The following MYCT1 variants were observed in gnomAD, a reference collection of about 807,000 sequenced individuals.
MYCT1 encodes the protein myc target protein 1.
A neutral mutation model predicts 15.0 loss-of-function variants in MYCT1; 12 were observed. The ratio of observed to expected loss-of-function variants is 0.80; its 90% CI spans 0.51 to 1.29. MYCT1 has a LOEUF of 1.29. Among genes scored for constraint, MYCT1 ranks in the 50% most tolerant of loss-of-function variants. The pLI is 0.00. For missense variants in MYCT1, 287 were observed against 279.1 expected (o/e 1.03, Z -0.20); for synonymous variants, 104 against 102.7 (o/e 1.01, Z -0.07).
chr6:152,715,156 G>A (rs1344401904), intron 1 of MYCT1, among the ~76,000 whole-genome samples: 1 of 152,056 alleles, frequency 6.6e-6, no homozygotes, highest in Non-Finnish European at 1.5e-5. Flanking sequence ...CTTTTCTCCT[G>A]GAATTTGCTC....
Position 152,697,924 on chromosome 6 carries a change from G to A in MYCT1, c.22G>A (p.Gly8Arg). 1.3e-6 allele frequency: 2 copies of A among 1,593,558 alleles called. No homozygotes were observed. Among genetic ancestry groups the A allele is most frequent in the South Asian group, 2.3e-5 (2 of 86,928 alleles). The change falls in exon 1 of 2, where the codon GGG becomes AGG. Residue 8 changes from glycine to arginine, a missense_variant. Physicochemically the swap from Gly to Arg is moderately radical, Grantham distance 125 (BLOSUM62 -2). Transcript: ENST00000367245. ...TTTTATGCGAACACAAGTATATGAG[G>A]GGTTGTGTAAAAATTATTTTTCTCT... MRTQVYE[G>R]LCKNYFSLAV...
the MYCT1 span, among the ~76,000 whole-genome samples, chr6:152,744,225 T>C: frequency 8.5e-5 from 13 of 152,328 alleles, 1 homozygote; most frequent in African/African-American, 3.1e-4. Flanking sequence ...GCAGCAGTCT[T>C]CAGAAATCAA....
the MYCT1 span, among the ~76,000 whole-genome samples, chr6:152,743,741 A>G: frequency 3.4e-4 from 51 of 152,204 alleles, no homozygotes; most frequent in Non-Finnish European, 7.1e-4. Flanking sequence ...TTTTTCAGTT[A>G]TGAAGTTGCT....
chr6:152,700,044 G>A (rs2099721054), intron 1 of MYCT1, among the ~76,000 whole-genome samples: 1 of 152,102 alleles, frequency 6.6e-6, no homozygotes, highest in African/African-American at 2.4e-5. Context: ...TATAATGTTT[G>A]ATGATTTTAG....
the MYCT1 span, among the ~76,000 whole-genome samples, chr6:152,743,053 G>A: frequency 6.7e-6 from 1 of 149,200 alleles, no homozygotes; most frequent in African/African-American, 2.6e-5. Context: ...TTATTTTGTA[G>A]TTGTTGTTGT....
intron 1 of MYCT1, among the ~76,000 whole-genome samples, chr6:152,701,844 C>T (rs1286551937): frequency 6.6e-6 from 1 of 152,208 alleles, no homozygotes; most frequent in East Asian, 1.9e-4. Context: ...CTCCATCTGT[C>T]TCAATGGCAC....
At chr6:152,742,573 C>T in the MYCT1 span, among the ~76,000 whole-genome samples, 1 of 152,180 alleles carries the variant, frequency 6.6e-6, no homozygotes, top group South Asian at 2.1e-4. Flanking sequence ...GGGGGAAGAT[C>T]ACTTTAGCAG....
chr6:152,734,585 T>C, the MYCT1 span, among the ~76,000 whole-genome samples: 1 of 152,168 alleles, frequency 6.6e-6, no homozygotes, highest in Non-Finnish European at 1.5e-5. Context: ...CCTATGTGCA[T>C]GCATGCTTTT....
downstream of MYCT1, among the ~76,000 whole-genome samples, chr6:152,728,411 G>A (rs2099726023): frequency 6.6e-6 from 1 of 151,822 alleles, no homozygotes; most frequent in Admixed American, 6.6e-5. Flanking sequence ...CAAATTGAGG[G>A]AAAAAAATTC....
At chr6:152,703,148 G>T (rs1209744149) in intron 1 of MYCT1, among the ~76,000 whole-genome samples, 1 of 152,116 alleles carries the variant, frequency 6.6e-6, no homozygotes, top group Non-Finnish European at 1.5e-5. Flanking sequence ...AGAGGGCATT[G>T]TTTATTGTTT....
At chr6:152,741,920 T>C in the MYCT1 span, among the ~76,000 whole-genome samples, 2 of 152,162 alleles carry the variant, frequency 1.3e-5, no homozygotes, top group African/African-American at 4.8e-5. Flanking sequence ...TAAGTTTTAT[T>C]TGAGAATAGG....
At chr6:152,700,976 C>T (rs2099721216) in intron 1 of MYCT1, among the ~76,000 whole-genome samples, 1 of 152,124 alleles carries the variant, frequency 6.6e-6, no homozygotes, top group Non-Finnish European at 1.5e-5. Flanking sequence ...ACATATGCTA[C>T]ATATGCACAT....
At chr6:152,706,922 CTT>C (rs2099722388) in intron 1 of MYCT1, among the ~76,000 whole-genome samples, 1 of 151,510 alleles carries the variant, frequency 6.6e-6, no homozygotes, top group Middle Eastern at 3.4e-3. Context: ...ATGATGGACA[CTT>C]AGGTGGATTA....
At chr6:152,706,811 A>T in intron 1 of MYCT1, among the ~76,000 whole-genome samples, 1 of 151,836 alleles carries the variant, frequency 6.6e-6, no homozygotes, top group East Asian at 1.9e-4. Flanking sequence ...GTCTAAGAGC[A>T]TCTGAAATAT....
At chr6:152,704,365 A>G (rs1216833664) in intron 1 of MYCT1, among the ~76,000 whole-genome samples, 1 of 152,164 alleles carries the variant, frequency 6.6e-6, no homozygotes, top group Non-Finnish European at 1.5e-5. Context: ...TGTAAGTGTA[A>G]GGCTATTGCT....
the MYCT1 span, among the ~76,000 whole-genome samples, chr6:152,738,681 C>A: frequency 6.6e-6 from 1 of 152,074 alleles, no homozygotes; most frequent in Non-Finnish European, 1.5e-5. Context: ...AAGTTTACAG[C>A]GTTTCCCAGC....
chr6:152,718,237 A>G (rs141349444), intron 1 of MYCT1, among the ~76,000 whole-genome samples: 4 of 152,288 alleles, frequency 2.6e-5, no homozygotes, highest in African/African-American at 9.6e-5. Flanking sequence ...GAAAATTGTG[A>G]TGGTCCAATA....
intron 1 of MYCT1, among the ~76,000 whole-genome samples, chr6:152,715,790 C>A (rs1251263542): frequency 6.6e-6 from 1 of 151,986 alleles, no homozygotes. Context: ...AGGGATGGGC[C>A]CTAAGTCAGG....
Position 152,700,605 on chromosome 6 carries a change from A to G in MYCT1, c.196+2507A>G, listed in dbSNP as rs527728384. ...AGCCTGAAAGTGACAACACAGATGC[A>G]GACTATCACCTTCCACTCCCTATTT... On this transcript the variant is annotated intron_variant, in intron 1 of 1. Coordinates refer to ENST00000367245, the MANE Select transcript of MYCT1 (RefSeq NM_025107.3). Among the ~76,000 whole-genome samples, 53 of 152,284 alleles carry G rather than the reference A, an allele frequency of 3.5e-4. No individual in the cohort carries two copies. The South Asian group carries it at 0.011, about 30-fold the overall frequency.
Sources: gnomAD v4.1 joint callset for allele counts (sites outside exome capture counted in the v4.1 genomes callset) on GRCh38, gnomAD v4.1.1 for gene constraint, MANE v1.5 for transcripts, NCBI Gene and HGNC (gene_info 2026-07-23, HGNC 2026-07-21) for gene names.